NID1: variants seen among roughly 807,000 people sequenced by gnomAD.
The protein encoded by NID1 is nidogen 1.
NID1 carries 76 observed loss-of-function variants against 130.6 expected under a neutral mutation model. The ratio of observed to expected loss-of-function variants is 0.58; its 90% CI spans 0.48 to 0.70. The LOEUF (loss-of-function observed/expected upper bound fraction) is 0.70, where lower values mean the gene tolerates loss of function less well. Ranked by LOEUF, NID1 falls within the 30% of genes least tolerant of loss-of-function variation. The pLI, the probability that NID1 is intolerant of heterozygous loss-of-function variation, is 0.00. For synonymous variants in NID1, 665 were observed against 675.1 expected (o/e 0.98, Z 0.23); for missense variants, 1,517 against 1,664.8 (o/e 0.91, Z 1.54).
At chr1:235,998,104 C>T (rs1657978718) in intron 12 of NID1, among the ~76,000 whole-genome samples, 1 of 152,176 alleles carries the variant, frequency 6.6e-6, no homozygotes, top group Non-Finnish European at 1.5e-5. Context: ...CGACTGGATC[C>T]TCGCAAAGCA....
chr1:236,042,534 T>C (rs1353664593), intron 3 of NID1, among the ~76,000 whole-genome samples: 1 of 152,178 alleles, frequency 6.6e-6, no homozygotes, highest in Non-Finnish European at 1.5e-5. Flanking sequence ...GTCCCAGCCA[T>C]TCCAGAAGTG....
At chr1:235,988,772 C>T (rs556142082) in intron 14 of NID1, among the ~76,000 whole-genome samples, 1 of 152,222 alleles carries the variant, frequency 6.6e-6, no homozygotes, top group African/African-American at 2.4e-5. Context: ...ACACGAATGA[C>T]AAATACTGTA....
intron 16 of NID1, 57 bp downstream of exon 16, chr1:235,981,554 C>A: frequency 6.5e-7 from 1 of 1,544,380 alleles, no homozygotes; most frequent in South Asian, 1.2e-5. Context: ...ATCTGAGAAT[C>A]TCTAAAAGGG....
At chr1:236,027,538 T>C (rs1379771861) in intron 7 of NID1, among the ~76,000 whole-genome samples, 1 of 152,074 alleles carries the variant, frequency 6.6e-6, no homozygotes, top group Non-Finnish European at 1.5e-5. Context: ...TAAGAGCCTT[T>C]AAAAAGGTGG....
chr1:236,005,001 C>T (rs1163194069), intron 12 of NID1, among the ~76,000 whole-genome samples: 1 of 151,800 alleles, frequency 6.6e-6, no homozygotes, highest in Non-Finnish European at 1.5e-5. Context: ...ACGGTGAAAC[C>T]CCATCTCTAC....
At chr1:236,005,278 C>CT (rs201505913) in intron 12 of NID1, among the ~76,000 whole-genome samples, 57 of 146,520 alleles carry the variant, frequency 3.9e-4, no homozygotes, top group South Asian at 3.7e-3. Flanking sequence ...AATTGCAATG[C>CT]TTTTTTTTTT....
chr1:235,986,249 A>G (rs1282827839), intron 14 of NID1, among the ~76,000 whole-genome samples: 2 of 152,224 alleles, frequency 1.3e-5, no homozygotes, highest in South Asian at 4.1e-4. Context: ...ATACATATTG[A>G]AGAAGTAAAA....
intron 13 of NID1, among the ~76,000 whole-genome samples, chr1:235,991,336 C>T (rs1657732084): frequency 6.6e-6 from 1 of 152,046 alleles, no homozygotes; most frequent in African/African-American, 2.4e-5. Context: ...ATGGCTTGGC[C>T]TCCCTCTTTT....
intron 7 of NID1, among the ~76,000 whole-genome samples, chr1:236,028,707 T>C (rs1289783435): frequency 6.6e-6 from 1 of 151,092 alleles, no homozygotes; most frequent in Non-Finnish European, 1.5e-5. Flanking sequence ...TATATATATA[T>C]GGAGAGACAG....
At chr1:236,034,521 G>A (rs1659196676) in intron 5 of NID1, among the ~76,000 whole-genome samples, 1 of 152,062 alleles carries the variant, frequency 6.6e-6, no homozygotes, top group African/African-American at 2.4e-5. Flanking sequence ...TCATGCTAAG[G>A]GAAAGAAGTC....
chr1:236,024,960 T>C (rs1314612593), intron 8 of NID1, among the ~76,000 whole-genome samples: 1 of 151,458 alleles, frequency 6.6e-6, no homozygotes, highest in East Asian at 1.9e-4. Flanking sequence ...TCTTTTTCTT[T>C]TTTTTTTTTT....
intron 14 of NID1, among the ~76,000 whole-genome samples, chr1:235,987,196 G>A (rs138811715): frequency 2.5e-4 from 38 of 152,224 alleles, no homozygotes; most frequent in Non-Finnish European, 4.3e-4. Flanking sequence ...TCATTAATGA[G>A]TATTTATTAG....
At chr1:236,048,034 A>G (rs1040605852) in intron 2 of NID1, among the ~76,000 whole-genome samples, 5 of 141,100 alleles carry the variant, frequency 3.5e-5, no homozygotes, top group Non-Finnish European at 6.1e-5. Flanking sequence ...TCAAAAAAAA[A>G]AAAAAAAAAA....
intron 12 of NID1, among the ~76,000 whole-genome samples, chr1:235,995,865 G>C (rs755089750): frequency 4.6e-5 from 7 of 152,188 alleles, no homozygotes; most frequent in Non-Finnish European, 1.0e-4. Context: ...ATTTAGTCAA[G>C]AAGCATCTAC....
chr1:236,018,508 C>T (rs1366145719), intron 9 of NID1, among the ~76,000 whole-genome samples: 1 of 152,216 alleles, frequency 6.6e-6, no homozygotes, highest in Non-Finnish European at 1.5e-5. Flanking sequence ...GCTGTGGCTA[C>T]CACTTGTGTA....
intron 14 of NID1, among the ~76,000 whole-genome samples, chr1:235,987,116 G>A (rs1657595648): frequency 6.6e-6 from 1 of 152,194 alleles, no homozygotes; most frequent in Non-Finnish European, 1.5e-5. Flanking sequence ...GGTTTGAAAA[G>A]CCACTGAGAG....
Position 236,042,263 on chromosome 1 carries a change from C to G in NID1, c.782G>C (p.Trp261Ser), listed in dbSNP as rs1659476561. 4 of 1,606,366 alleles carry G rather than the reference C, an allele frequency of 2.5e-6. No individual in the cohort carries two copies. The highest frequency in any genetic ancestry group is 3.4e-6 in the Non-Finnish European group (4 of 1,179,946). Residue 261 changes from tryptophan (W) to serine (S), a missense_variant, in exon 4 of 20, where the codon TGG (tryptophan) becomes TCG (serine). Coordinates refer to ENST00000264187, the MANE Select transcript of NID1 (RefSeq NM_002508.3). Reference sequence around the variant, plus strand: ...GGCTGGACTCCCAATCTCAAACACCCAGACACCCTGCTGCCCAGAGTTACT... The same window carrying G: ...GGCTGGACTCCCAATCTCAAACACCGAGACACCCTGCTGCCCAGAGTTACT... ...KSSNSGQQGV[W>S]VFEIGSPATT...
At chr1:236,058,322 C>CA (rs2102852523) in intron 1 of NID1, among the ~76,000 whole-genome samples, 1 of 152,272 alleles carries the variant, frequency 6.6e-6, no homozygotes, top group South Asian at 2.1e-4. Flanking sequence ...CTAAATGCCC[C>CA]TTTACAGAAC....
At chr1:236,011,101 A>G (rs937852131) in intron 12 of NID1, among the ~76,000 whole-genome samples, 1 of 152,150 alleles carries the variant, frequency 6.6e-6, no homozygotes, top group Non-Finnish European at 1.5e-5. Flanking sequence ...CAGGTCCTCA[A>G]TGTGCTCACA....
Sources: allele counts gnomAD v4.1 joint callset (sites outside exome capture counted in the v4.1 genomes callset), GRCh38; gene constraint gnomAD v4.1.1; transcripts MANE v1.5; gene names NCBI Gene and HGNC (gene_info 2026-07-23, HGNC 2026-07-21).